GLRA1: variants seen among roughly 807,000 people sequenced by gnomAD.
GLRA1 encodes the protein glycine receptor alpha 1.
A neutral mutation model predicts 48.3 loss-of-function variants in GLRA1; 37 were observed. The observed-to-expected ratio is 0.77, with a 90% CI of 0.59 to 1.01. The LOEUF (loss-of-function observed/expected upper bound fraction) is 1.01, where lower values mean the gene tolerates loss of function less well. Ranked by LOEUF, GLRA1 falls within the 50% of genes least tolerant of loss-of-function variation. The pLI is 0.00. For missense variants in GLRA1, 427 were observed against 571.0 expected (o/e 0.75, Z 2.57); for synonymous variants, 196 against 210.7 (o/e 0.93, Z 0.60).
intron 2 of GLRA1, among the ~76,000 whole-genome samples, chr5:151,888,868 T>C (rs1481108378): frequency 6.6e-6 from 1 of 152,200 alleles, no homozygotes; most frequent in Non-Finnish European, 1.5e-5. Context: ...GTCTGCTAAA[T>C]TTTTTTGTCC....
chr5:151,872,488 G>A (rs1289331912), intron 3 of GLRA1, among the ~76,000 whole-genome samples: 1 of 149,654 alleles, frequency 6.7e-6, no homozygotes, highest in Non-Finnish European at 1.5e-5. Flanking sequence ...AAGGGAATTG[G>A]GCAAAATACT....
intron 2 of GLRA1, 84 bp downstream of exon 2, chr5:151,892,227 C>G (rs931754657): frequency 8.9e-6 from 11 of 1,240,612 alleles, no homozygotes; most frequent in Non-Finnish European, 1.3e-5. Context: ...TGCGTATTTA[C>G]CATCTGCGTG....
intron 6 of GLRA1, 42 bp downstream of exon 6, chr5:151,854,998 G>A (rs766494813): frequency 4.4e-6 from 7 of 1,602,464 alleles, no homozygotes; most frequent in Middle Eastern, 1.8e-4. Context: ...CTCTGGTCCT[G>A]GTTGGGGGGT....
chr5:151,882,127 C>T (rs1188184213), intron 3 of GLRA1, among the ~76,000 whole-genome samples: 5 of 152,138 alleles, frequency 3.3e-5, no homozygotes, highest in Non-Finnish European at 7.3e-5. Flanking sequence ...GCTGAAGTTC[C>T]CTTTTGCTCT....
chr5:151,843,887 G>T (rs925584190), intron 7 of GLRA1, among the ~76,000 whole-genome samples: 4 of 152,052 alleles, frequency 2.6e-5, no homozygotes, highest in Non-Finnish European at 5.9e-5. Flanking sequence ...GAATGAAGTT[G>T]GGCTGGGCAC....
At chr5:151,855,005 G>A (rs1753000680) in intron 6 of GLRA1, 35 bp downstream of exon 6, 1 of 1,608,404 alleles carries the variant, frequency 6.2e-7, no homozygotes, top group Non-Finnish European at 8.5e-7. Context: ...CCTGGTTGGG[G>A]GGTGGGATCT....
chr5:151,833,276 T>C (rs1011803287), intron 7 of GLRA1, among the ~76,000 whole-genome samples: 4 of 152,106 alleles, frequency 2.6e-5, no homozygotes, highest in African/African-American at 7.2e-5. Flanking sequence ...ATCATAATGA[T>C]AGGATCAAAT....
At chr5:151,876,665 A>G (rs952045664) in intron 3 of GLRA1, among the ~76,000 whole-genome samples, 2 of 152,126 alleles carry the variant, frequency 1.3e-5, no homozygotes, top group African/African-American at 4.8e-5. Flanking sequence ...TAGGAGGATT[A>G]TACTTCTCTT....
At chr5:151,924,459 C>T (rs762004647) in intron 1 of GLRA1, 35 bp downstream of exon 1, 1 of 1,326,614 alleles carries the variant, frequency 7.5e-7, no homozygotes, top group Admixed American at 1.7e-5. Context: ...CCCCCATTTC[C>T]ATCAGAGCGA....
At position 151,886,750 on chromosome 5, in the gene GLRA1, T is replaced by C; in HGVS notation, c.223A>G (p.Ser75Gly). Residue 75 changes from serine (S) to glycine (G), a missense_variant, in exon 3 of 9, where the codon AGC (serine) becomes GGC (glycine). Ser to Gly is a moderately conservative substitution (Grantham distance 56). Coordinates refer to ENST00000274576, the MANE Select transcript of GLRA1 (RefSeq NM_000171.4). ...GTTGTCTCAGCAATGGAACCAAAGCTGTTGATGAAAATGTTGCAGCTCACG... is the reference window on the plus strand; with the variant it reads ...GTTGTCTCAGCAATGGAACCAAAGCCGTTGATGAAAATGTTGCAGCTCACG... ...VNVSCNIFINSFGSIAETTMD... is the reference protein window; with the variant it reads ...VNVSCNIFINGFGSIAETTMD... 6.2e-7 allele frequency: 1 copy of C among 1,613,538 alleles called. No homozygotes were observed. Among genetic ancestry groups the C allele is most frequent in the Non-Finnish European group, 8.5e-7 (1 of 1,179,456 alleles).
At chr5:151,899,375 T>G (rs960656326) in intron 1 of GLRA1, among the ~76,000 whole-genome samples, 10 of 152,136 alleles carry the variant, frequency 6.6e-5, no homozygotes, top group African/African-American at 2.4e-4. Context: ...TATTTGCCAT[T>G]TTCAAATTGT....
chr5:151,900,914 G>A lies in GLRA1; in HGVS notation c.57-8476C>T, dbSNP rs77824183. On this transcript the variant is annotated intron_variant, in intron 1 of 8. Coordinates refer to ENST00000274576, the MANE Select transcript of GLRA1 (RefSeq NM_000171.4). ...GAGCCTGGCACATAGTCAGAGCTCA[G>A]TAAATATTTGTTAAATGGATGATAT... Among the ~76,000 whole-genome samples the A allele has an allele frequency of 8.0e-3, 1,216 of 152,288 alleles. 19 individuals carry two copies. The highest frequency in any genetic ancestry group is 0.028 in the African/African-American group (1,144 of 41,562).
chr5:151,918,744 G>A (rs1407106940), intron 1 of GLRA1, among the ~76,000 whole-genome samples: 1 of 152,132 alleles, frequency 6.6e-6, no homozygotes, highest in Admixed American at 6.5e-5. Flanking sequence ...TTCCTTCTAT[G>A]TCTTTCCTGG....
At position 151,885,977 on chromosome 5, in the gene GLRA1, G is replaced by A. The variant is rs1286358852; in HGVS notation, c.252+744C>T. ...GCGGGTGGATGTTCCGAAATGGATA[G>A]ATTAGAGTTAACTTTAGGCTGCCCT... On this transcript the variant is annotated intron_variant, in intron 3 of 8. Transcript: ENST00000274576. 2.0e-5 allele frequency among the ~76,000 whole-genome samples: 3 copies of A among 152,238 alleles called. No individual in the cohort carries two copies. The East Asian group carries it at 5.8e-4, about 29-fold the overall frequency.
chr5:151,896,021 A>C (rs998158162), intron 1 of GLRA1, among the ~76,000 whole-genome samples: 1 of 152,186 alleles, frequency 6.6e-6, no homozygotes, highest in Non-Finnish European at 1.5e-5. Flanking sequence ...AGCACAAGCG[A>C]TCTCTTCGCC....
intron 3 of GLRA1, among the ~76,000 whole-genome samples, chr5:151,864,485 G>A (rs1466640045): frequency 1.3e-5 from 2 of 152,228 alleles, no homozygotes; most frequent in Non-Finnish European, 2.9e-5. Flanking sequence ...CCAGTGAGTG[G>A]CAGAGCTAGG....
chr5:151,861,051 T>C (rs1446047862), intron 3 of GLRA1, among the ~76,000 whole-genome samples: 6 of 152,376 alleles, frequency 3.9e-5, no homozygotes, highest in East Asian at 1.9e-4. Flanking sequence ...ATAAAGGACA[T>C]GCACTCATCC....
intron 7 of GLRA1, among the ~76,000 whole-genome samples, chr5:151,840,091 A>C (rs1015882810): frequency 3.6e-5 from 5 of 138,384 alleles, no homozygotes; most frequent in African/African-American, 1.3e-4. Context: ...GACACGCTAG[A>C]AAATACTGTT....
At chr5:151,859,738 C>G (rs1437470323) in intron 4 of GLRA1, 47 bp downstream of exon 4, 2 of 1,361,538 alleles carry the variant, frequency 1.5e-6, no homozygotes, top group Non-Finnish European at 2.1e-6. Flanking sequence ...GGTAGTGGGG[C>G]AAGACATGTT....
Sources: allele counts gnomAD v4.1 joint callset (sites outside exome capture counted in the v4.1 genomes callset), GRCh38; gene constraint gnomAD v4.1.1; transcripts MANE v1.5; gene names NCBI Gene and HGNC (gene_info 2026-07-23, HGNC 2026-07-21).